AUTS2: variants seen among roughly 807,000 people sequenced by gnomAD.
AUTS2 encodes the protein activator of transcription and developmental regulator AUTS2.
In AUTS2, 17 loss-of-function variants were observed where a neutral mutation model predicts 112.4. That is an observed-to-expected ratio of 0.15 (90% CI 0.10 to 0.23). The LOEUF is 0.23. Among genes scored for constraint, AUTS2 ranks in the 10% least tolerant of loss-of-function variants. AUTS2 has a pLI of 1.00. For missense variants in AUTS2, 1,510 were observed against 1,701.6 expected (o/e 0.89, Z 1.98); for synonymous variants, 751 against 702.7 (o/e 1.07, Z -1.09).
At chr7:70,325,860 C>T (rs938287017) in intron 4 of AUTS2, among the ~76,000 whole-genome samples, 5 of 152,308 alleles carry the variant, frequency 3.3e-5, no homozygotes, top group Admixed American at 6.5e-5. Flanking sequence ...AAGAAACTAT[C>T]CCACCTCTGA....
intron 4 of AUTS2, among the ~76,000 whole-genome samples, chr7:70,203,578 A>C (rs1268908882): frequency 1.4e-5 from 2 of 147,750 alleles, no homozygotes; most frequent in African/African-American, 5.0e-5. Flanking sequence ...TTTAAGAAGC[A>C]AAAGACATTT....
At chr7:70,015,263 T>C (rs11766980) in intron 2 of AUTS2, among the ~76,000 whole-genome samples, 12,313 of 152,260 alleles carry the variant, frequency 0.081, 634 homozygotes, top group African/African-American at 0.13. Context: ...ACCACACACA[T>C]TTTGTTCCTT....
chr7:69,970,029 T>C (rs1797786037), intron 2 of AUTS2, among the ~76,000 whole-genome samples: 1 of 152,202 alleles, frequency 6.6e-6, no homozygotes, highest in Non-Finnish European at 1.5e-5. Flanking sequence ...ACTGGAATCA[T>C]GATCCCTTTC....
intron 2 of AUTS2, among the ~76,000 whole-genome samples, chr7:70,072,218 G>T (rs752068831): frequency 2.6e-5 from 4 of 151,938 alleles, no homozygotes; most frequent in Non-Finnish European, 4.4e-5. Flanking sequence ...TATTATAGCT[G>T]ATCATGGCAG....
At chr7:70,763,539 G>A (rs1327716280) in intron 7 of AUTS2, among the ~76,000 whole-genome samples, 198 bp downstream of exon 7, 2 of 151,860 alleles carry the variant, frequency 1.3e-5, no homozygotes, top group Non-Finnish European at 3.0e-5. Context: ...GGGATGGGTG[G>A]GTGGTGAGGA....
At chr7:70,593,718 T>C (rs894196881) in intron 5 of AUTS2, among the ~76,000 whole-genome samples, 11 of 152,242 alleles carry the variant, frequency 7.2e-5, no homozygotes, top group African/African-American at 2.7e-4. Flanking sequence ...AGCGAGGAAC[T>C]ATTCTTCCCA....
At chr7:69,678,472 G>C (rs762399288) in intron 1 of AUTS2, among the ~76,000 whole-genome samples, 37 of 152,088 alleles carry the variant, frequency 2.4e-4, no homozygotes, top group Non-Finnish European at 5.3e-4. Context: ...GTAAGTCGTG[G>C]TTTCTCTGAT....
chr7:70,257,196 A>C (rs1368104034), intron 4 of AUTS2, among the ~76,000 whole-genome samples: 1 of 152,172 alleles, frequency 6.6e-6, no homozygotes, highest in Non-Finnish European at 1.5e-5. Flanking sequence ...GCTGGAGATC[A>C]GTGGCATAAT....
chr7:70,125,500 T>G (rs952986447), intron 3 of AUTS2, among the ~76,000 whole-genome samples: 2 of 152,176 alleles, frequency 1.3e-5, no homozygotes, highest in African/African-American at 4.8e-5. Context: ...TTCCTCGCCT[T>G]GGGTATTTTC....
At chr7:70,175,976 A>G (rs1808966722) in intron 4 of AUTS2, among the ~76,000 whole-genome samples, 1 of 152,158 alleles carries the variant, frequency 6.6e-6, no homozygotes, top group Non-Finnish European at 1.5e-5. Context: ...TGTCTTAGGT[A>G]TTCCTGTATT....
At chr7:70,610,294 C>G (rs1315297768) in intron 5 of AUTS2, among the ~76,000 whole-genome samples, 1 of 152,066 alleles carries the variant, frequency 6.6e-6, no homozygotes, top group Non-Finnish European at 1.5e-5. Context: ...CCACCACACC[C>G]AACCCATATT....
At chr7:70,671,041 G>A (rs963355495) in intron 5 of AUTS2, among the ~76,000 whole-genome samples, 18 of 152,286 alleles carry the variant, frequency 1.2e-4, no homozygotes, top group Admixed American at 8.5e-4. Context: ...GTGTGGTGGC[G>A]CACGCCTGTG....
At chr7:70,392,596 A>C (rs1455444484) in intron 4 of AUTS2, among the ~76,000 whole-genome samples, 1 of 152,318 alleles carries the variant, frequency 6.6e-6, no homozygotes, top group East Asian at 1.9e-4. Flanking sequence ...TCTGTCAGTA[A>C]AAAATAAAAA....
chr7:70,516,500 G>A (rs1331899175), intron 5 of AUTS2, among the ~76,000 whole-genome samples: 2 of 152,216 alleles, frequency 1.3e-5, no homozygotes, highest in African/African-American at 2.4e-5. Context: ...TCTGTGGGAA[G>A]AGCATTGGAG....
chr7:70,754,979 A>G (rs1789102919), intron 6 of AUTS2, among the ~76,000 whole-genome samples: 1 of 152,194 alleles, frequency 6.6e-6, no homozygotes, highest in Admixed American at 6.5e-5. Flanking sequence ...CAGAAGCTGT[A>G]CTTTGGGAGA....
At chr7:70,060,584 A>C (rs1323710222) in intron 2 of AUTS2, among the ~76,000 whole-genome samples, 1 of 152,246 alleles carries the variant, frequency 6.6e-6, no homozygotes, top group East Asian at 1.9e-4. Flanking sequence ...CTTACTTTGT[A>C]ATGCACATTT....
At chr7:69,605,999 T>C (rs1487548994) in intron 1 of AUTS2, among the ~76,000 whole-genome samples, 1 of 152,254 alleles carries the variant, frequency 6.6e-6, no homozygotes, top group Admixed American at 6.5e-5. Context: ...TGTGATATGA[T>C]GATTCCATGC....
intron 5 of AUTS2, among the ~76,000 whole-genome samples, chr7:70,487,172 C>T (rs1456401745): frequency 6.6e-6 from 1 of 152,100 alleles, no homozygotes; most frequent in African/African-American, 2.4e-5. Flanking sequence ...TCTTGAGTGA[C>T]ACATTTTGCC....
At chr7:70,073,716 C>T (rs1276254589) in intron 2 of AUTS2, among the ~76,000 whole-genome samples, 2 of 152,076 alleles carry the variant, frequency 1.3e-5, no homozygotes, top group South Asian at 4.2e-4. Context: ...GATTATTTCT[C>T]AATAAAAAAT....
Sources: allele counts gnomAD v4.1 joint callset (sites outside exome capture counted in the v4.1 genomes callset), GRCh38; gene constraint gnomAD v4.1.1; transcripts MANE v1.5; gene names NCBI Gene and HGNC (gene_info 2026-07-23, HGNC 2026-07-21).